EFCAB11: variants seen among roughly 807,000 people sequenced by gnomAD.
EFCAB11 encodes the protein EF-hand calcium binding domain 11, also known as EF-hand calcium-binding domain-containing protein 11.
A neutral mutation model predicts 23.0 loss-of-function variants in EFCAB11; 14 were observed. That is an observed-to-expected ratio of 0.61 (90% CI 0.40 to 0.95). The LOEUF (loss-of-function observed/expected upper bound fraction) is 0.95. Among genes scored for constraint, EFCAB11 ranks in the 40% least tolerant of loss-of-function variants. EFCAB11 has a pLI of 0.00. For synonymous variants in EFCAB11, 65 were observed against 66.6 expected (o/e 0.98, Z 0.11); for missense variants, 198 against 195.8 (o/e 1.01, Z -0.07).
At chr14:89,896,118 G>T (rs1280317487) in intron 5 of EFCAB11, among the ~76,000 whole-genome samples, 1 of 152,218 alleles carries the variant, frequency 6.6e-6, no homozygotes, top group Admixed American at 6.5e-5. Flanking sequence ...GGGCGCGGTG[G>T]CTCACGCCTG....
At chr14:89,823,985 C>T (rs1241109570) in intron 5 of EFCAB11, among the ~76,000 whole-genome samples, 2 of 151,908 alleles carry the variant, frequency 1.3e-5, no homozygotes, top group Non-Finnish European at 2.9e-5. Flanking sequence ...ATTGGAGTAC[C>T]AGAAGGTTGA....
intron 3 of EFCAB11, among the ~76,000 whole-genome samples, chr14:89,937,231 G>A (rs1890617796): frequency 6.6e-6 from 1 of 152,094 alleles, no homozygotes; most frequent in Admixed American, 6.5e-5. Flanking sequence ...TTTTTCAGCT[G>A]TAGGAAAGAT....
At chr14:89,860,899 G>C (rs1887900252) in intron 5 of EFCAB11, among the ~76,000 whole-genome samples, 1 of 152,170 alleles carries the variant, frequency 6.6e-6, no homozygotes, top group Non-Finnish European at 1.5e-5. Context: ...GAAGGATCTT[G>C]TTTTACAGTC....
chr14:89,838,473 G>GA (rs1173432404), intron 5 of EFCAB11, among the ~76,000 whole-genome samples: 1 of 150,258 alleles, frequency 6.7e-6, no homozygotes, highest in Non-Finnish European at 1.5e-5. Context: ...ACCCTGAAAG[G>GA]AAAGTCAAAA....
chr14:89,910,336 G>A (rs557909897), intron 5 of EFCAB11, among the ~76,000 whole-genome samples: 6 of 152,178 alleles, frequency 3.9e-5, no homozygotes, highest in Admixed American at 6.5e-5. Flanking sequence ...AGTGGCTCAC[G>A]CCTGTAATCC....
At chr14:89,872,719 T>G (rs1284135505) in intron 5 of EFCAB11, among the ~76,000 whole-genome samples, 1 of 152,170 alleles carries the variant, frequency 6.6e-6, no homozygotes, top group African/African-American at 2.4e-5. Flanking sequence ...TGATTACATT[T>G]AAGTGAAGTC....
At chr14:89,884,876 C>T (rs1888706138) in intron 5 of EFCAB11, among the ~76,000 whole-genome samples, 1 of 152,140 alleles carries the variant, frequency 6.6e-6, no homozygotes, top group Non-Finnish European at 1.5e-5. Flanking sequence ...CAAGAGATCC[C>T]CCACTCTGTG....
At position 89,894,253 on chromosome 14, in the gene EFCAB11, AT is replaced by A. The variant is rs752443292; in HGVS notation, c.410+37287del. Among the ~76,000 whole-genome samples the A allele has an allele frequency of 4.5e-3, 648 of 145,432 alleles. 2 individuals carry two copies. Among genetic ancestry groups the A allele is most frequent in the African/African-American group, 8.6e-3 (344 of 39,966 alleles). On this transcript the variant is annotated intron_variant, in intron 5 of 5. Coordinates refer to ENST00000316738, the MANE Select transcript of EFCAB11 (RefSeq NM_145231.4). ...GCGTGAGCCACCGCACCCAGCCTTG[AT>A]TTTTTTTTTTTTAATTTAAGTTCTG...
intron 5 of EFCAB11, among the ~76,000 whole-genome samples, chr14:89,914,038 TG>T (rs1889760510): frequency 6.6e-6 from 1 of 152,178 alleles, no homozygotes; most frequent in African/African-American, 2.4e-5. Flanking sequence ...GGGACACTGT[TG>T]CTACACCTGT....
chr14:89,909,918 G>A (rs1889619401), intron 5 of EFCAB11, among the ~76,000 whole-genome samples: 2 of 152,284 alleles, frequency 1.3e-5, no homozygotes, highest in African/African-American at 4.8e-5. Flanking sequence ...TCTCACGCCG[G>A]CTATCACTTC....
At chr14:89,880,726 G>C (rs1888573267) in intron 5 of EFCAB11, among the ~76,000 whole-genome samples, 1 of 152,202 alleles carries the variant, frequency 6.6e-6, no homozygotes, top group African/African-American at 2.4e-5. Context: ...AGTTAGTGTA[G>C]CTGTTAAGAG....
intron 3 of EFCAB11, among the ~76,000 whole-genome samples, chr14:89,946,809 A>G (rs1891002857): frequency 1.3e-5 from 2 of 150,032 alleles, no homozygotes; most frequent in Non-Finnish European, 3.0e-5. Flanking sequence ...AACTCCTGGC[A>G]TCAAGCAATC....
intron 2 of EFCAB11, among the ~76,000 whole-genome samples, chr14:89,951,670 G>A (rs1196297895): frequency 6.6e-6 from 1 of 152,026 alleles, no homozygotes; most frequent in African/African-American, 2.4e-5. Flanking sequence ...CACTTTGGGA[G>A]GCTGAGGTGG....
chr14:89,913,936 G>C (rs995543553), intron 5 of EFCAB11, among the ~76,000 whole-genome samples: 35 of 152,128 alleles, frequency 2.3e-4, no homozygotes, highest in African/African-American at 8.2e-4. Context: ...AGCATCTTCA[G>C]GCTCTCTGGG....
chr14:89,881,911 T>C (rs923384251), intron 5 of EFCAB11, among the ~76,000 whole-genome samples: 3 of 152,200 alleles, frequency 2.0e-5, no homozygotes, highest in Non-Finnish European at 2.9e-5. Flanking sequence ...CCAAGATCAG[T>C]AGCATTAAAC....
intron 3 of EFCAB11, among the ~76,000 whole-genome samples, chr14:89,945,832 A>C (rs1419016921): frequency 6.6e-6 from 1 of 151,986 alleles, no homozygotes; most frequent in Non-Finnish European, 1.5e-5. Flanking sequence ...ACCTCCTACC[A>C]TCATTATGGA....
rs375533686 is a variant in EFCAB11, at chr14:89,859,824, T to G, written c.411-62500A>C. On this transcript the variant is annotated intron_variant, in intron 5 of 5. Coordinates refer to ENST00000316738, the MANE Select transcript of EFCAB11 (RefSeq NM_145231.4). ...AACACTCTGATCACGTCTGCAAATG[T>G]GGAGTCATACCATGCAGTAGGCTTG... Among the ~76,000 whole-genome samples, 67 of 152,318 alleles carry G rather than the reference T, an allele frequency of 4.4e-4. No individual in the cohort carries two copies. In the South Asian group the frequency reaches 0.013, roughly 30 times the overall value.
rs140750960 is a variant in EFCAB11 at position 89,837,169 on chromosome 14, T to C, written c.411-39845A>G. 2.0e-3 allele frequency: 904 copies of C among 454,844 alleles called. 7 individuals carry two copies. The highest frequency in any genetic ancestry group is 0.017 in the African/African-American group (830 of 50,112). The allele number at this position is 454,844 out of a possible 1,614,324, so 28.2% of individuals were successfully genotyped here. ...CTCTGCAACATACAGAAATAACAGA[T>C]ACACTATTTATTTAAACCACATAAG... On this transcript the variant is annotated intron_variant, in intron 5 of 5. Transcript: ENST00000316738.
chr14:89,871,964 G>A (rs1012869874), intron 5 of EFCAB11, among the ~76,000 whole-genome samples: 4 of 152,144 alleles, frequency 2.6e-5, no homozygotes, highest in East Asian at 1.9e-4. Context: ...GCCCTATGAC[G>A]GGGCTCCGAT....
Sources: gnomAD v4.1 joint callset for allele counts (sites outside exome capture counted in the v4.1 genomes callset) on GRCh38, gnomAD v4.1.1 for gene constraint, MANE v1.5 for transcripts, NCBI Gene and HGNC (gene_info 2026-07-23, HGNC 2026-07-21) for gene names.